Variants in ST6GAL1 observed in about 807,000 individuals in gnomAD.
ST6GAL1 encodes the protein ST6 beta-galactoside alpha-2,6-sialyltransferase 1.
Under a neutral mutation model 38.0 loss-of-function variants are expected in ST6GAL1, and 20 were observed. The observed-to-expected ratio is 0.53, with a 90% confidence interval of 0.37 to 0.77. ST6GAL1 has a LOEUF of 0.77. Among genes scored for constraint, ST6GAL1 ranks in the 30% least tolerant of loss-of-function variants. The pLI, the probability that ST6GAL1 is intolerant of heterozygous loss-of-function variation, is 0.00. For synonymous variants in ST6GAL1, 196 were observed against 188.2 expected, an observed-to-expected ratio of 1.04 and a Z score of -0.34; for missense variants, 432 against 496.4, an observed-to-expected ratio of 0.87 and a Z score of 1.23.
chr3:186,934,083 G>C (rs1254384408), intron 1 of ST6GAL1, among the ~76,000 whole-genome samples: 1 of 152,218 alleles, frequency 6.6e-6, no homozygotes. Context: ...GCGCCACTTA[G>C]CTGTTCATGC....
intron 1 of ST6GAL1, among the ~76,000 whole-genome samples, chr3:186,942,076 G>A (rs1211775684): frequency 6.6e-6 from 1 of 152,148 alleles, no homozygotes; most frequent in Non-Finnish European, 1.5e-5. Flanking sequence ...TTGCAGAGGG[G>A]TTGACCTCAA....
Position 186,933,101 on chromosome 3 carries a change from C to T in ST6GAL1, c.-325+2267C>T, listed in dbSNP as rs1399735603. Among the ~76,000 whole-genome samples, 3 of 152,214 alleles carry T rather than the reference C, an allele frequency of 2.0e-5. No homozygotes were observed. The South Asian group carries it at 6.2e-4, about 32-fold the overall frequency. On this transcript the variant is annotated intron_variant, in intron 1 of 7. Transcript: ENST00000169298. ...CAGACCAGAGTGAGAACTTGTTTGG[C>T]GTGCTTTCCCCTAATTGATTCCTAC... is the stretch of plus-strand genomic sequence containing the variant.
intron 2 of ST6GAL1, among the ~76,000 whole-genome samples, chr3:186,980,603 CAAAAAAAAAA>C (rs34503745): frequency 1.1e-5 from 1 of 92,170 alleles, no homozygotes; most frequent in Non-Finnish European, 2.1e-5. Flanking sequence ...ACTAAAATTA[CAAAAAAAAAA>C]AAAAAAAAAA....
At chr3:186,938,800 T>C (rs1182741283) in intron 1 of ST6GAL1, among the ~76,000 whole-genome samples, 1 of 151,978 alleles carries the variant, frequency 6.6e-6, no homozygotes, top group Non-Finnish European at 1.5e-5. Context: ...GCATGGCTGA[T>C]CCGTAACCCC....
intron 1 of ST6GAL1, among the ~76,000 whole-genome samples, chr3:186,949,767 T>C (rs1045125387): frequency 6.6e-6 from 1 of 152,250 alleles, no homozygotes; most frequent in Non-Finnish European, 1.5e-5. Flanking sequence ...ATTCCAGATA[T>C]GCCACTTCTC....
intron 2 of ST6GAL1, among the ~76,000 whole-genome samples, chr3:186,999,293 G>C (rs933229341): frequency 5.9e-5 from 9 of 152,324 alleles, no homozygotes; most frequent in Admixed American, 3.3e-4. Context: ...GCTCAGCTAT[G>C]TCAGGGCCAG....
intron 4 of ST6GAL1, among the ~76,000 whole-genome samples, chr3:187,050,837 G>T (rs984257949): frequency 1.3e-5 from 2 of 152,168 alleles, no homozygotes; most frequent in Non-Finnish European, 1.5e-5. Flanking sequence ...CTGAACATAT[G>T]GTAGTGTTTT....
At chr3:187,016,060 C>T (rs186734470) in intron 2 of ST6GAL1, among the ~76,000 whole-genome samples, 310 of 152,298 alleles carry the variant, frequency 2.0e-3, no homozygotes, top group African/African-American at 7.1e-3. Flanking sequence ...GTGCCTGGCA[C>T]GTGGGAACCC....
At chr3:187,044,361 T>C (rs1191274084) in intron 4 of ST6GAL1, among the ~76,000 whole-genome samples, 1 of 152,150 alleles carries the variant, frequency 6.6e-6, no homozygotes, top group East Asian at 1.9e-4. Context: ...TTTCCTTCAT[T>C]TGACTGCCAG....
At chr3:186,979,589 G>A (rs73187782) in intron 2 of ST6GAL1, among the ~76,000 whole-genome samples, 9,565 of 152,198 alleles carry the variant, frequency 0.063, 443 homozygotes, top group Non-Finnish European at 0.083. Context: ...TTAATACATA[G>A]TGCTCGGGGG....
At position 187,053,973 on chromosome 3, in the gene ST6GAL1, G is replaced by A. The variant is rs143782318; in HGVS notation, c.705+2627G>A. ...ATTTGTTTGTGTCCTCTTTTATTTT[G>A]TTGAGCAGTGGTTTGTAGTTCTTGT... On this transcript the variant is annotated intron_variant, in intron 5 of 7. Transcript: ENST00000169298. Among the ~76,000 whole-genome samples, 755 of 151,906 alleles carry A rather than the reference G, an allele frequency of 5.0e-3. 7 individuals carry two copies. The East Asian group carries it at 0.061, about 12-fold the overall frequency.
At chr3:187,016,123 C>T (rs1717107849) in intron 2 of ST6GAL1, among the ~76,000 whole-genome samples, 1 of 152,208 alleles carries the variant, frequency 6.6e-6, no homozygotes, top group African/African-American at 2.4e-5. Context: ...CTGTACAGAG[C>T]CGCAGACCCA....
intron 5 of ST6GAL1, among the ~76,000 whole-genome samples, chr3:187,053,465 T>C (rs1718584250): frequency 6.6e-6 from 1 of 152,250 alleles, no homozygotes; most frequent in Non-Finnish European, 1.5e-5. Context: ...CACCTTGAAT[T>C]AATTTTTGTG....
At chr3:186,968,920 T>G (rs556284270) in intron 2 of ST6GAL1, among the ~76,000 whole-genome samples, 18 of 152,324 alleles carry the variant, frequency 1.2e-4, no homozygotes, top group African/African-American at 4.3e-4. Context: ...GCTGCCAAAC[T>G]GTTGCCTAGA....
At chr3:186,939,771 G>A (rs1714098664) in intron 1 of ST6GAL1, among the ~76,000 whole-genome samples, 1 of 152,156 alleles carries the variant, frequency 6.6e-6, no homozygotes, top group Non-Finnish European at 1.5e-5. Context: ...TGGTAGCTCA[G>A]ATGAGCACCT....
At chr3:187,073,506 A>C (rs540806916) in intron 6 of ST6GAL1, 2 of 160,736 alleles carry the variant, frequency 1.2e-5, no homozygotes, top group East Asian at 3.7e-4. Context: ...CCGGGGAAGG[A>C]GACATGAGTG....
At chr3:186,951,355 C>T (rs573479115) in intron 1 of ST6GAL1, among the ~76,000 whole-genome samples, 1 of 152,324 alleles carries the variant, frequency 6.6e-6, no homozygotes, top group Admixed American at 6.5e-5. Flanking sequence ...CTGCGCCAGG[C>T]CGTAATTCTT....
intron 2 of ST6GAL1, among the ~76,000 whole-genome samples, chr3:186,973,237 T>C (rs1230337601): frequency 6.6e-6 from 1 of 152,162 alleles, no homozygotes; most frequent in African/African-American, 2.4e-5. Flanking sequence ...GGTTTCACCA[T>C]GTTAGTCAGG....
At chr3:186,964,899 G>T (rs1303104885) in intron 2 of ST6GAL1, among the ~76,000 whole-genome samples, 2 of 152,130 alleles carry the variant, frequency 1.3e-5, no homozygotes, top group Non-Finnish European at 2.9e-5. Flanking sequence ...TGAACGGTAG[G>T]TGCCCAGTAA....
Sources: gnomAD v4.1 joint callset for allele counts (sites outside exome capture counted in the v4.1 genomes callset) on GRCh38, gnomAD v4.1.1 for gene constraint, MANE v1.5 for transcripts, NCBI Gene and HGNC (gene_info 2026-07-23, HGNC 2026-07-21) for gene names.